Variants in CCSER1 observed in about 807,000 individuals in gnomAD.
CCSER1 encodes the protein serine-rich coiled-coil domain-containing protein 1.
CCSER1 carries 41 observed loss-of-function variants against 82.0 expected under a neutral mutation model. The observed-to-expected ratio is 0.50, with a 90% CI of 0.39 to 0.65. The LOEUF (loss-of-function observed/expected upper bound fraction) is 0.65, where lower values mean the gene tolerates loss of function less well. Among genes scored for constraint, CCSER1 ranks in the 30% least tolerant of loss-of-function variants. The pLI is 0.00. For missense variants in CCSER1, 1,119 were observed against 1,064.2 expected (o/e 1.05, Z -0.72); for synonymous variants, 414 against 383.9 (o/e 1.08, Z -0.92).
chr4:91,543,138 G>A lies in CCSER1; in HGVS notation c.2218-55434G>A, dbSNP rs533297297. Among the ~76,000 whole-genome samples the A allele has an allele frequency of 3.2e-3, 483 of 151,660 alleles. 4 individuals carry two copies. Among genetic ancestry groups the A allele is most frequent in the African/African-American group, 0.011 (473 of 41,372 alleles). On this transcript the variant is annotated intron_variant, in intron 10 of 10. Coordinates refer to ENST00000509176, the MANE Select transcript of CCSER1 (RefSeq NM_001145065.2). ...AGGATTGCAACCCCTGCCTTTTTTT[G>A]TTTTCCATTTGCTTGGTAGATCTTC... is the stretch of plus-strand genomic sequence containing the variant.
chr4:91,477,746 AAGGTG>A (rs1283772173), intron 10 of CCSER1, among the ~76,000 whole-genome samples: 1 of 151,826 alleles, frequency 6.6e-6, no homozygotes, highest in Non-Finnish European at 1.5e-5. Flanking sequence ...TGGCTTTCCA[AAGGTG>A]AAAGAGAAAT....
At chr4:91,157,887 T>G (rs1425860736) in intron 10 of CCSER1, among the ~76,000 whole-genome samples, 1 of 152,026 alleles carries the variant, frequency 6.6e-6, no homozygotes, top group Non-Finnish European at 1.5e-5. Flanking sequence ...GCAAAGGAGA[T>G]CTCCTAAAGT....
intron 6 of CCSER1, among the ~76,000 whole-genome samples, chr4:90,653,449 T>A (rs535937372): frequency 1.1e-4 from 17 of 149,172 alleles, no homozygotes; most frequent in East Asian, 5.8e-4. Context: ...GAAAAAAAAA[T>A]TTTAATGAAA....
chr4:91,058,260 A>G (rs1160578895), intron 9 of CCSER1, among the ~76,000 whole-genome samples: 2 of 151,994 alleles, frequency 1.3e-5, no homozygotes, highest in Non-Finnish European at 2.9e-5. Context: ...AATGTGGTAC[A>G]TATTCTCTTT....
intron 10 of CCSER1, among the ~76,000 whole-genome samples, chr4:91,180,041 A>T (rs1733844973): frequency 6.6e-6 from 1 of 152,202 alleles, no homozygotes; most frequent in Non-Finnish European, 1.5e-5. Context: ...CAGGATCCCC[A>T]GCTGCAGGTC....
chr4:90,190,764 G>A (rs1578405339), intron 1 of CCSER1, among the ~76,000 whole-genome samples: 1 of 152,048 alleles, frequency 6.6e-6, no homozygotes, highest in Non-Finnish European at 1.5e-5. Flanking sequence ...ATGTGATTAG[G>A]AAGGAACACT....
intron 6 of CCSER1, among the ~76,000 whole-genome samples, chr4:90,712,919 ATC>A (rs1740920768): frequency 7.1e-6 from 1 of 140,016 alleles, no homozygotes; most frequent in East Asian, 2.1e-4. Context: ...TTTTTTTTTA[ATC>A]ATTGTTGGTT....
At chr4:90,350,896 A>T (rs1357998376) in intron 3 of CCSER1, among the ~76,000 whole-genome samples, 1 of 152,190 alleles carries the variant, frequency 6.6e-6, no homozygotes, top group Non-Finnish European at 1.5e-5. Context: ...AATGGTTTTT[A>T]AAAAGAATTA....
intron 10 of CCSER1, among the ~76,000 whole-genome samples, chr4:91,526,578 C>G (rs930933940): frequency 6.6e-6 from 1 of 151,984 alleles, no homozygotes; most frequent in Non-Finnish European, 1.5e-5. Context: ...CAATAATATC[C>G]ACCCTTTTCT....
intron 8 of CCSER1, chr4:90,918,113 C>A: frequency 4.3e-6 from 1 of 232,500 alleles, no homozygotes; most frequent in South Asian, 5.0e-5. Flanking sequence ...CCTCAAGGTA[C>A]ATATTCAGTA....
At chr4:91,281,314 T>TATC (rs1352457388) in intron 10 of CCSER1, among the ~76,000 whole-genome samples, 1 of 152,194 alleles carries the variant, frequency 6.6e-6, no homozygotes, top group East Asian at 1.9e-4. Flanking sequence ...AGGGATCAAG[T>TATC]ATCACATGCC....
intron 1 of CCSER1, among the ~76,000 whole-genome samples, chr4:90,140,113 A>C (rs915799270): frequency 1.3e-5 from 2 of 152,224 alleles, no homozygotes; most frequent in Non-Finnish European, 2.9e-5. Flanking sequence ...CATTAATTGC[A>C]TTGATTAAAA....
chr4:91,197,384 G>A (rs932080473), intron 10 of CCSER1, among the ~76,000 whole-genome samples: 1 of 152,158 alleles, frequency 6.6e-6, no homozygotes, highest in Admixed American at 6.5e-5. Context: ...ATTCTGGAAC[G>A]GATTTAAGAT....
chr4:90,898,365 C>T (rs916687341), intron 8 of CCSER1, among the ~76,000 whole-genome samples: 3 of 135,834 alleles, frequency 2.2e-5, no homozygotes, highest in Admixed American at 1.6e-4. Context: ...TCACTGCAAA[C>T]TCTAAGTTTC....
chr4:91,535,018 A>G (rs1247025902), intron 10 of CCSER1, among the ~76,000 whole-genome samples: 2 of 151,808 alleles, frequency 1.3e-5, no homozygotes, highest in Non-Finnish European at 2.9e-5. Flanking sequence ...ATTGTTATAA[A>G]CTCTACTACA....
intron 10 of CCSER1, among the ~76,000 whole-genome samples, chr4:91,589,888 G>T (rs1764183319): frequency 6.7e-6 from 1 of 149,154 alleles, no homozygotes; most frequent in South Asian, 2.1e-4. Context: ...CACAGAGTGG[G>T]TGATCACACA....
chr4:91,593,670 A>C (rs1764381553), intron 10 of CCSER1, among the ~76,000 whole-genome samples: 1 of 151,874 alleles, frequency 6.6e-6, no homozygotes, highest in Non-Finnish European at 1.5e-5. Flanking sequence ...GAGGGAATAT[A>C]CCTATGTGTG....
intron 1 of CCSER1, among the ~76,000 whole-genome samples, 189 bp from the exon 2 acceptor site, chr4:90,308,055 C>T (rs1157525276): frequency 6.6e-6 from 1 of 152,076 alleles, no homozygotes; most frequent in Non-Finnish European, 1.5e-5. Flanking sequence ...AATATCAATA[C>T]TAGCTATTGG....
chr4:90,553,161 C>T (rs1777729616), intron 5 of CCSER1, among the ~76,000 whole-genome samples: 1 of 152,002 alleles, frequency 6.6e-6, no homozygotes, highest in Non-Finnish European at 1.5e-5. Flanking sequence ...TTAGTAGAGA[C>T]GGGGTTTCAC....
Sources: gnomAD v4.1 joint callset for allele counts (sites outside exome capture counted in the v4.1 genomes callset) on GRCh38, gnomAD v4.1.1 for gene constraint, MANE v1.5 for transcripts, NCBI Gene and HGNC (gene_info 2026-07-23, HGNC 2026-07-21) for gene names.